The following PCDHA4 variants were observed in gnomAD, a reference collection of about 807,000 sequenced individuals.
PCDHA4 encodes protocadherin alpha 4.
Under a neutral mutation model 61.4 loss-of-function variants are expected in PCDHA4, and 49 were observed. The observed-to-expected ratio is 0.80, with a 90% CI of 0.63 to 1.01. The LOEUF is 1.01. Ranked by LOEUF, PCDHA4 falls within the 50% of genes least tolerant of loss-of-function variation. The probability of loss-of-function intolerance (pLI) is 0.00; values close to 1 mark genes in which losing one functional copy is unlikely to be tolerated. For synonymous variants in PCDHA4, 590 were observed against 550.3 expected (o/e 1.07, Z -1.01); for missense variants, 1,254 against 1,235.8 (o/e 1.01, Z -0.22).
chr5:140,809,351 C>T lies in PCDHA4; in HGVS notation c.2164C>T (p.Arg722Trp), dbSNP rs1764438063. Residue 722 changes from arginine (R) to tryptophan (W), a missense_variant, in exon 1 of 4, where the codon CGG (arginine) becomes TGG (tryptophan). Arg to Trp is a moderately radical substitution (Grantham distance 101, BLOSUM62 -3). Coordinates refer to ENST00000530339, the MANE Select transcript of PCDHA4 (RefSeq NM_018907.4). ...VLTLLLYTAL[R>W]CSALPTEGAC... ...CACGCTGCTGCTGTACACCGCGCTGCGGTGCTCTGCGCTGCCCACCGAGGG... is the reference window on the plus strand; with the variant it reads ...CACGCTGCTGCTGTACACCGCGCTGTGGTGCTCTGCGCTGCCCACCGAGGG... The T allele has an allele frequency of 6.2e-7, 1 of 1,613,898 alleles. No individual in the cohort carries two copies. Among genetic ancestry groups the T allele is most frequent in the Non-Finnish European group, 8.5e-7 (1 of 1,179,934 alleles).
At position 140,828,424 on chromosome 5, in the gene PCDHA4, C is replaced by A. The variant is rs138737999; in HGVS notation, c.2385+18852C>A. The A allele has an allele frequency of 3.3e-5, 54 of 1,614,244 alleles. 1 individual carries two copies. The East Asian group carries it at 6.9e-4, about 21-fold the overall frequency. On this transcript the variant is annotated intron_variant, in intron 1 of 3. Transcript: ENST00000530339. The stretch of plus-strand genomic sequence containing the variant: ...GCATCCACCTGGAGGTGATCGTGGA[C>A]AGGCCGCTGCAGGTTTTCCATGTGG...
chr5:140,993,462 TCACACACACACACACACA>T (rs3836747), intron 3 of PCDHA4, among the ~76,000 whole-genome samples: 75 of 141,044 alleles, frequency 5.3e-4, no homozygotes, highest in African/African-American at 1.6e-3. Flanking sequence ...TCTTTCTTTC[TCACACACACACACACACA>T]CACACACACA....
chr5:140,941,202 C>CCTTCCTTTCTTTCTTTCTTTCTTT (rs1554213920), intron 1 of PCDHA4, among the ~76,000 whole-genome samples: 8 of 122,742 alleles, frequency 6.5e-5, no homozygotes, highest in Non-Finnish European at 1.1e-4. Flanking sequence ...TTTCTTTCTT[C>CCTTCCTTTCTTTCTTTCTTTCTTT]CTTTCTTTCT....
In PCDHA4 at chr5:140,835,601, A is replaced by T. The variant is rs2150239166; in HGVS notation, c.2385+26029A>T. Reference sequence around the variant, plus strand: ...TGTCCACCTTCAAGAATTACTATTCATTGGTGCTGGACAGCGCTCTGGACC... The same window carrying T: ...TGTCCACCTTCAAGAATTACTATTCTTTGGTGCTGGACAGCGCTCTGGACC... On this transcript the variant is annotated intron_variant, in intron 1 of 3. Coordinates refer to ENST00000530339, the MANE Select transcript of PCDHA4 (RefSeq NM_018907.4). 5 of 1,613,788 alleles carry T rather than the reference A, an allele frequency of 3.1e-6. No individual in the cohort carries two copies. The African/African-American group carries it at 5.3e-5, about 17-fold the overall frequency.
At chr5:140,942,900 GA>G (rs1383279314) in intron 1 of PCDHA4, among the ~76,000 whole-genome samples, 1 of 151,718 alleles carries the variant, frequency 6.6e-6, no homozygotes, top group Non-Finnish European at 1.5e-5. Context: ...TTATCTCTAA[GA>G]ATAAGCGTGA....
chr5:140,952,215 C>T (rs2094705548), intron 1 of PCDHA4, among the ~76,000 whole-genome samples: 1 of 152,034 alleles, frequency 6.6e-6, no homozygotes, highest in African/African-American at 2.4e-5. Context: ...GCAGCTTTTC[C>T]AGGCACAGTG....
In PCDHA4 at chr5:140,850,682, G is replaced by C. The variant is rs2150493727; in HGVS notation, c.2385+41110G>C. On this transcript the variant is annotated intron_variant, in intron 1 of 3. Coordinates refer to ENST00000530339, the MANE Select transcript of PCDHA4 (RefSeq NM_018907.4). The stretch of plus-strand genomic sequence containing the variant: ...TGCGGTGCTCGGCGATGCCCACCGA[G>C]GGCGAGTGCGCGCCTGGCAAGCCGA... The C allele has an allele frequency of 3.1e-5, 50 of 1,598,558 alleles. 3 individuals carry two copies. In the East Asian group the frequency reaches 1.1e-3, roughly 35 times the overall value.
chr5:140,824,110 C>T, intron 1 of PCDHA4: 2 of 1,614,004 alleles, frequency 1.2e-6, no homozygotes, highest in Non-Finnish European at 1.7e-6. Flanking sequence ...TCCTCAGGGT[C>T]CCACCTCTAC....
chr5:140,850,627 T>C lies in PCDHA4; in HGVS notation c.2385+41055T>C, dbSNP rs2150491342. 1.9e-6 allele frequency: 3 copies of C among 1,598,642 alleles called. No individual in the cohort carries two copies. The South Asian group carries it at 3.3e-5, about 18-fold the overall frequency. ...GCCATCTGCGCGGTGTCTAGCCTGT[T>C]GGTTCTCACGCTGCTGCTGTACACT... On this transcript the variant is annotated intron_variant, in intron 1 of 3. Transcript: ENST00000530339.
intron 1 of PCDHA4, chr5:140,882,820 C>G (rs782663593): frequency 1.2e-6 from 2 of 1,614,102 alleles, no homozygotes; most frequent in African/African-American, 2.7e-5. Flanking sequence ...ACGCACAAAA[C>G]AGTCTTGAGC....
Position 140,843,520 on chromosome 5 carries a change from G to A in PCDHA4, c.2385+33948G>A, listed in dbSNP as rs2150361803. 1.5e-5 allele frequency: 24 copies of A among 1,595,834 alleles called. 2 individuals are homozygous for A. The highest frequency in any genetic ancestry group is 2.0e-5 in the Non-Finnish European group (23 of 1,165,564). On this transcript the variant is annotated intron_variant, in intron 1 of 3. Coordinates refer to ENST00000530339, the MANE Select transcript of PCDHA4 (RefSeq NM_018907.4). ...CACTGCCCACTGAGGGCGGGTGCCG[G>A]GCGGGCAAGCCCACTCTGGTGTGCT...
At chr5:140,836,158 C>G in intron 1 of PCDHA4, 1 of 1,613,784 alleles carries the variant, frequency 6.2e-7, no homozygotes, top group Non-Finnish European at 8.5e-7. Context: ...CATGTGGTGG[C>G]GAAGGTACGT....
intron 1 of PCDHA4, chr5:140,969,204 C>T (rs1453693936): frequency 3.2e-5 from 51 of 1,613,996 alleles, no homozygotes; most frequent in African/African-American, 1.5e-4. Context: ...AATACAGGGG[C>T]CCAGACAGGA....
chr5:140,852,151 C>T, intron 1 of PCDHA4: 1 of 861,106 alleles, frequency 1.2e-6, no homozygotes, highest in Non-Finnish European at 1.4e-6. Context: ...ATCAGAATGG[C>T]CTTGAGAATA....
intron 1 of PCDHA4, among the ~76,000 whole-genome samples, chr5:140,959,381 A>G (rs2095484925): frequency 6.6e-6 from 1 of 152,190 alleles, no homozygotes; most frequent in African/African-American, 2.4e-5. Flanking sequence ...CTCAAAAAAA[A>G]AAGTCACAAA....
chr5:140,875,629 G>A, intron 1 of PCDHA4: 1 of 1,613,758 alleles, frequency 6.2e-7, no homozygotes, highest in Non-Finnish European at 8.5e-7. Flanking sequence ...TCAGGACCTG[G>A]GGCTGGAGCT....
At chr5:140,836,011 C>T (rs2150250556) in intron 1 of PCDHA4, 2 of 1,613,394 alleles carry the variant, frequency 1.2e-6, no homozygotes, top group East Asian at 2.2e-5. Flanking sequence ...GCGGGCGTGC[C>T]GCCTCTGGGC....
At chr5:140,980,584 C>A (rs1447001293) in intron 2 of PCDHA4, among the ~76,000 whole-genome samples, 1 of 151,934 alleles carries the variant, frequency 6.6e-6, no homozygotes, top group Non-Finnish European at 1.5e-5. Context: ...GAGCCAAGAT[C>A]GAGCCACTGC....
chr5:140,858,176 G>A, intron 1 of PCDHA4: 1 of 1,597,746 alleles, frequency 6.3e-7, no homozygotes, highest in Non-Finnish European at 8.6e-7. Flanking sequence ...CAGCTTGCTG[G>A]TGCTCACGCT....
Sources: gnomAD v4.1 joint callset for allele counts (sites outside exome capture counted in the v4.1 genomes callset) on GRCh38, gnomAD v4.1.1 for gene constraint, MANE v1.5 for transcripts, NCBI Gene and HGNC (gene_info 2026-07-23, HGNC 2026-07-21) for gene names.